Variants in DAB1 observed in about 807,000 individuals in gnomAD.
DAB1 encodes the protein DAB adaptor protein 1.
In DAB1, 15 loss-of-function variants were observed where a neutral mutation model predicts 64.6. That is an observed-to-expected ratio of 0.23 (90% CI 0.16 to 0.36). The LOEUF (loss-of-function observed/expected upper bound fraction) is 0.36, where lower values mean the gene tolerates loss of function less well. Among genes scored for constraint, DAB1 ranks in the 10% least tolerant of loss-of-function variants. The pLI, the probability that DAB1 is intolerant of heterozygous loss-of-function variation, is 1.00. For missense variants in DAB1, 596 were observed against 706.7 expected, an observed-to-expected ratio of 0.84 and a Z score of 1.78; for synonymous variants, 235 against 251.9, an observed-to-expected ratio of 0.93 and a Z score of 0.64.
intron 1 of DAB1, among the ~76,000 whole-genome samples, chr1:57,305,414 C>G (rs1007539982): frequency 2.0e-5 from 3 of 152,122 alleles, no homozygotes; most frequent in Non-Finnish European, 2.9e-5. Flanking sequence ...CTGGCTAATC[C>G]CCGTAAGTGG....
At chr1:57,153,630 T>G (rs557336747) in intron 2 of DAB1, among the ~76,000 whole-genome samples, 339 of 52,094 alleles carry the variant, frequency 6.5e-3, no homozygotes, top group East Asian at 0.03. Flanking sequence ...GGGGTTTTTT[T>G]TTTGTTTGTT....
At chr1:57,135,884 C>G (rs1658038460) in intron 4 of DAB1, among the ~76,000 whole-genome samples, 2 of 152,136 alleles carry the variant, frequency 1.3e-5, no homozygotes, top group South Asian at 2.1e-4. Context: ...GACTCTTGTT[C>G]TCTTGGAAAA....
intron 6 of DAB1, among the ~76,000 whole-genome samples, chr1:57,778,521 T>C (rs1488415530): frequency 1.3e-5 from 2 of 151,928 alleles, no homozygotes; most frequent in African/African-American, 4.8e-5. Flanking sequence ...TTTCTTAAAT[T>C]TTTTCCCAGT....
At chr1:57,611,609 C>G (rs1645727456) in intron 7 of DAB1, among the ~76,000 whole-genome samples, 1 of 152,086 alleles carries the variant, frequency 6.6e-6, no homozygotes, top group Non-Finnish European at 1.5e-5. Flanking sequence ...TCATCCAAGC[C>G]TCCACAGCTA....
At chr1:57,961,473 A>T (rs1645519317) in intron 5 of DAB1, among the ~76,000 whole-genome samples, 1 of 151,946 alleles carries the variant, frequency 6.6e-6, no homozygotes, top group African/African-American at 2.4e-5. Flanking sequence ...TCTCTGACCA[A>T]ATGAGTCCCC....
chr1:57,700,582 G>A (rs1282719496), intron 6 of DAB1, among the ~76,000 whole-genome samples: 1 of 152,144 alleles, frequency 6.6e-6, no homozygotes, highest in African/African-American at 2.4e-5. Context: ...CCCTTTATAT[G>A]TTGTTTCTCT....
intron 3 of DAB1, among the ~76,000 whole-genome samples, chr1:58,485,228 T>TAAAAAAAAAAAAAA (rs71043289): frequency 9.5e-5 from 4 of 42,036 alleles, no homozygotes; most frequent in African/African-American, 9.7e-5. Flanking sequence ...AGTCTACTAC[T>TAAAAAAAAAAAAAA]AAAAAAAAAA....
At chr1:57,671,404 G>A (rs1187407191) in intron 6 of DAB1, among the ~76,000 whole-genome samples, 2 of 152,162 alleles carry the variant, frequency 1.3e-5, no homozygotes, top group African/African-American at 2.4e-5. Flanking sequence ...GCCATTTGTC[G>A]ATTCCCAATT....
chr1:57,412,375 G>T (rs1047018652), intron 1 of DAB1, among the ~76,000 whole-genome samples: 2 of 152,180 alleles, frequency 1.3e-5, no homozygotes, highest in African/African-American at 4.8e-5. Flanking sequence ...AGCTTAGTGG[G>T]GAAGGCATGT....
At chr1:57,469,795 A>G (rs929661513) in intron 7 of DAB1, among the ~76,000 whole-genome samples, 1 of 152,218 alleles carries the variant, frequency 6.6e-6, no homozygotes, top group African/African-American at 2.4e-5. Context: ...TGTAAAAAAG[A>G]AGATTCTATG....
chr1:58,285,569 T>C (rs1320618452), intron 4 of DAB1, among the ~76,000 whole-genome samples: 2 of 152,064 alleles, frequency 1.3e-5, no homozygotes, highest in Non-Finnish European at 2.9e-5. Context: ...CCATTCACAA[T>C]TGCCACAAAA....
At chr1:57,837,677 T>A (rs1468612063) in intron 1 of DAB1, among the ~76,000 whole-genome samples, 1 of 152,138 alleles carries the variant, frequency 6.6e-6, no homozygotes, top group Admixed American at 6.5e-5. Flanking sequence ...TCTGGCTTCA[T>A]CTCTTGCTGT....
At chr1:58,275,936 C>T (rs1267358858) in intron 4 of DAB1, among the ~76,000 whole-genome samples, 1 of 152,168 alleles carries the variant, frequency 6.6e-6, no homozygotes, top group African/African-American at 2.4e-5. Context: ...TCTCTAACAA[C>T]AGATAACAAA....
chr1:58,170,592 C>T (rs1296659071), intron 4 of DAB1, among the ~76,000 whole-genome samples: 1 of 152,134 alleles, frequency 6.6e-6, no homozygotes, highest in Non-Finnish European at 1.5e-5. Flanking sequence ...TTTGTCATGG[C>T]CCTCAGACAA....
chr1:57,853,378 A>G (rs1333940988), intron 1 of DAB1, among the ~76,000 whole-genome samples: 1 of 152,170 alleles, frequency 6.6e-6, no homozygotes, highest in Non-Finnish European at 1.5e-5. Context: ...CAATATTTGG[A>G]AATCACATTT....
At chr1:57,980,338 C>T (rs1015036154) in intron 5 of DAB1, among the ~76,000 whole-genome samples, 13 of 152,062 alleles carry the variant, frequency 8.5e-5, no homozygotes, top group Non-Finnish European at 1.6e-4. Context: ...AATTCTACCC[C>T]AATATCTAAG....
chr1:57,756,641 C>A (rs1352889797), intron 6 of DAB1, among the ~76,000 whole-genome samples: 1 of 151,680 alleles, frequency 6.6e-6, no homozygotes. Context: ...GATGAGAAGT[C>A]CAGTTATGAG....
chr1:57,999,315 G>C (rs1443762812), intron 5 of DAB1, among the ~76,000 whole-genome samples: 1 of 152,186 alleles, frequency 6.6e-6, no homozygotes, highest in Non-Finnish European at 1.5e-5. Flanking sequence ...CTCGAAGTGT[G>C]TCCTGGACCA....
intron 7 of DAB1, among the ~76,000 whole-genome samples, chr1:57,464,756 C>T (rs1229416691): frequency 1.3e-5 from 2 of 152,222 alleles, no homozygotes; most frequent in African/African-American, 4.8e-5. Flanking sequence ...AAAAGACAGT[C>T]GATTGGTGAA....
Sources: allele counts gnomAD v4.1 joint callset (sites outside exome capture counted in the v4.1 genomes callset), GRCh38; gene constraint gnomAD v4.1.1; transcripts MANE v1.5; gene names NCBI Gene and HGNC (gene_info 2026-07-23, HGNC 2026-07-21).